The following MGAT4C variants were observed in gnomAD, a reference collection of about 807,000 sequenced individuals.
MGAT4C encodes the protein alpha-1,3-mannosyl-glycoprotein 4-beta-N-acetylglucosaminyltransferase C.
MGAT4C carries 19 observed loss-of-function variants against 40.1 expected under a neutral mutation model. The observed-to-expected ratio is 0.47, with a 90% CI of 0.33 to 0.70. The LOEUF (loss-of-function observed/expected upper bound fraction) is 0.70, where lower values mean the gene tolerates loss of function less well. Ranked by LOEUF, MGAT4C falls within the 30% of genes least tolerant of loss-of-function variation. The pLI is 0.02. For missense variants in MGAT4C, 491 were observed against 563.2 expected, an observed-to-expected ratio of 0.87 and a Z score of 1.30; for synonymous variants, 181 against 187.1, an observed-to-expected ratio of 0.97 and a Z score of 0.27.
intron 2 of MGAT4C, among the ~76,000 whole-genome samples, chr12:86,037,107 T>C (rs1891311268): frequency 6.7e-6 from 1 of 150,176 alleles, no homozygotes; most frequent in Non-Finnish European, 1.5e-5. Flanking sequence ...CTAATGGTAA[T>C]TTGTATTTCT....
intron 3 of MGAT4C, among the ~76,000 whole-genome samples, chr12:86,369,549 A>G (rs553237765): frequency 4.6e-5 from 7 of 151,980 alleles, no homozygotes; most frequent in African/African-American, 1.7e-4. Flanking sequence ...AATTGCTTAT[A>G]GTTATAACAG....
rs187241555 is a variant in MGAT4C, at chr12:86,456,657, A to G, written c.-228-21392T>C. Among the ~76,000 whole-genome samples the G allele has an allele frequency of 5.8e-4, 88 of 152,242 alleles. No homozygotes were observed. In the Middle Eastern group the frequency reaches 0.01, roughly 18 times the overall value. ...TATTTTTTAAATTTTGGCTCAGGAT[A>G]TGTCGACTTTAGCTACTTCTCTTTA... is the stretch of plus-strand genomic sequence containing the variant. On this transcript the variant is annotated intron_variant, in intron 2 of 7. Transcript: ENST00000548651.
intron 2 of MGAT4C, among the ~76,000 whole-genome samples, chr12:86,566,655 G>A (rs536815576): frequency 1.5e-5 from 2 of 136,186 alleles, no homozygotes; most frequent in East Asian, 4.3e-4. Context: ...ATGTATATAG[G>A]TATGTATATG....
chr12:86,508,541 C>T (rs2136344399), intron 2 of MGAT4C, among the ~76,000 whole-genome samples: 1 of 152,208 alleles, frequency 6.6e-6, no homozygotes, highest in Admixed American at 6.5e-5. Flanking sequence ...GTCTTTATAG[C>T]AGCATGATTT....
intron 3 of MGAT4C, among the ~76,000 whole-genome samples, chr12:86,410,257 A>T (rs780936133): frequency 2.0e-5 from 3 of 152,126 alleles, no homozygotes; most frequent in Non-Finnish European, 2.9e-5. Context: ...TACCCTAATA[A>T]GCCTGAGGGT....
chr12:86,294,598 G>C (rs1217179557), intron 4 of MGAT4C, among the ~76,000 whole-genome samples: 2 of 152,032 alleles, frequency 1.3e-5, no homozygotes, highest in Non-Finnish European at 2.9e-5. Flanking sequence ...TCTCCTTTCT[G>C]CAACTGTACA....
In MGAT4C at chr12:86,288,825, G is replaced by A. The variant is rs7299402; in HGVS notation, c.-57+45240C>T. Among the ~76,000 whole-genome samples the A allele has an allele frequency of 3.3e-3, 508 of 151,776 alleles. 7 individuals are homozygous for A. Among genetic ancestry groups the A allele is most frequent in the African/African-American group, 0.011 (471 of 41,358 alleles). ...TCCAGATATTAGACCTTTGTTGGAC[G>A]CACAGTTTGTAAAAATTTTCTCCCA... On this transcript the variant is annotated intron_variant, in intron 4 of 7. Transcript: ENST00000548651.
intron 2 of MGAT4C, among the ~76,000 whole-genome samples, chr12:86,641,360 G>A (rs994960523): frequency 3.3e-5 from 5 of 151,410 alleles, no homozygotes; most frequent in Non-Finnish European, 7.4e-5. Context: ...TACACTCTGG[G>A]GACTGTTGTG....
intron 1 of MGAT4C, among the ~76,000 whole-genome samples, chr12:86,063,832 A>G (rs932420584): frequency 6.6e-6 from 1 of 152,282 alleles, no homozygotes; most frequent in Non-Finnish European, 1.5e-5. Flanking sequence ...AAAGTTATCA[A>G]TGCAACAAGA....
chr12:86,704,312 G>T (rs1950417868), intron 2 of MGAT4C, among the ~76,000 whole-genome samples: 1 of 151,962 alleles, frequency 6.6e-6, no homozygotes, highest in African/African-American at 2.4e-5. Context: ...GATAGAAACT[G>T]TCCTCTCTGG....
At chr12:86,612,216 T>C (rs1962305094) in intron 2 of MGAT4C, among the ~76,000 whole-genome samples, 1 of 152,196 alleles carries the variant, frequency 6.6e-6, no homozygotes. Flanking sequence ...GAGATTTGCA[T>C]TTATTTTATT....
chr12:86,353,984 C>A (rs552490827), intron 3 of MGAT4C, among the ~76,000 whole-genome samples: 2 of 152,264 alleles, frequency 1.3e-5, no homozygotes, highest in South Asian at 4.1e-4. Context: ...TGGAGAAAAT[C>A]TGTACAAGGA....
At chr12:86,177,891 G>C (rs1887641327) in intron 1 of MGAT4C, among the ~76,000 whole-genome samples, 1 of 152,064 alleles carries the variant, frequency 6.6e-6, no homozygotes, top group Non-Finnish European at 1.5e-5. Flanking sequence ...GCCTATTAGG[G>C]ATAGGCATTC....
At chr12:86,805,320 G>A (rs539563073) in intron 1 of MGAT4C, among the ~76,000 whole-genome samples, 97 of 151,894 alleles carry the variant, frequency 6.4e-4, no homozygotes, top group African/African-American at 2.2e-3. Context: ...ATATCACCCA[G>A]GTACTGAGCA....
intron 1 of MGAT4C, among the ~76,000 whole-genome samples, chr12:86,818,984 T>A (rs2136224716): frequency 6.6e-6 from 1 of 151,104 alleles, no homozygotes; most frequent in South Asian, 2.1e-4. Context: ...AACTTAAAAA[T>A]CTTAAAGTCA....
intron 1 of MGAT4C, among the ~76,000 whole-genome samples, chr12:86,766,146 A>G (rs1483081127): frequency 2.0e-5 from 3 of 152,148 alleles, no homozygotes; most frequent in Non-Finnish European, 2.9e-5. Flanking sequence ...AGACACACAT[A>G]GGCTCAAAAT....
intron 2 of MGAT4C, among the ~76,000 whole-genome samples, chr12:86,511,553 C>T (rs1958585692): frequency 6.6e-6 from 1 of 152,064 alleles, no homozygotes; most frequent in African/African-American, 2.4e-5. Flanking sequence ...TAAAGACAGA[C>T]ATTTATACCA....
intron 2 of MGAT4C, among the ~76,000 whole-genome samples, chr12:86,577,138 C>T (rs972637149): frequency 6.6e-6 from 1 of 151,744 alleles, no homozygotes; most frequent in Non-Finnish European, 1.5e-5. Context: ...AGAAATGCTA[C>T]TGATTTTTGT....
chr12:86,546,216 A>G (rs1441008320), intron 2 of MGAT4C, among the ~76,000 whole-genome samples: 2 of 151,916 alleles, frequency 1.3e-5, no homozygotes, highest in African/African-American at 4.8e-5. Context: ...TGTAGTATCA[A>G]ACATTCAGAA....
Sources: gnomAD v4.1 joint callset for allele counts (sites outside exome capture counted in the v4.1 genomes callset) on GRCh38, gnomAD v4.1.1 for gene constraint, MANE v1.5 for transcripts, NCBI Gene and HGNC (gene_info 2026-07-23, HGNC 2026-07-21) for gene names.